Variants in CDCA3 observed in about 807,000 individuals in gnomAD.
CDCA3 encodes cell division cycle-associated protein 3.
In CDCA3, 16 loss-of-function variants were observed where a neutral mutation model predicts 29.1. The observed-to-expected ratio is 0.55, with a 90% CI of 0.37 to 0.83. The LOEUF is 0.83. Ranked by LOEUF, CDCA3 falls within the 40% of genes least tolerant of loss-of-function variation. CDCA3 has a pLI of 0.00. For missense variants in CDCA3, 291 were observed against 327.2 expected (o/e 0.89, Z 0.85); for synonymous variants, 88 against 124.5 (o/e 0.71, Z 1.95).
downstream of CDCA3, chr12:6,847,074 A>T: frequency 1.7e-6 from 1 of 584,356 alleles, no homozygotes; most frequent in Non-Finnish European, 3.1e-6. Flanking sequence ...TCAGGGACAC[A>T]GGGGCAAAGA....
At position 6,849,725 on chromosome 12, in the gene CDCA3, G is replaced by T; in HGVS notation, c.384C>A (p.Thr128=). The change falls in exon 4 of 6, where the codon ACC becomes ACA. Residue 128 remains threonine (T), a synonymous_variant. Coordinates refer to ENST00000538862, the MANE Select transcript of CDCA3 (RefSeq NM_031299.7). The surrounding 1 kb of genome is among the most constrained non-coding windows in gnomAD (Gnocchi z 5.2). ...LSSELDLPLG[T]QLSVEEQMPP... ...GCATCTGTTCCTCAACAGATAACTGGGTACCCAGAGGCAAGTCCAATTCAG... is the reference window on the plus strand; with the variant it reads ...GCATCTGTTCCTCAACAGATAACTGTGTACCCAGAGGCAAGTCCAATTCAG... 2 of 1,614,052 alleles carry T rather than the reference G, an allele frequency of 1.2e-6. No homozygotes were observed. The highest frequency in any genetic ancestry group is 1.7e-6 in the Non-Finnish European group (2 of 1,179,964).
rs200642081 is a variant in CDCA3 at position 6,849,841 on chromosome 12, C to T, written c.268G>A (p.Val90Met). Residue 90 changes from valine (V) to methionine (M), a missense_variant, in exon 4 of 6, where the codon GTG (valine) becomes ATG (methionine). Transcript: ENST00000538862. The surrounding 1 kb of genome is among the most constrained non-coding windows in gnomAD (Gnocchi z 5.2). The part of the protein sequence containing the change: ...TSSGDPPSPL[V>M]KQLSEVFETE... Reference sequence around the variant, plus strand: ...TCAAATACTTCACTCAGCTGTTTCACCAGTGGGCTTGGGGGGTCTAGAGGA... The same window carrying T: ...TCAAATACTTCACTCAGCTGTTTCATCAGTGGGCTTGGGGGGTCTAGAGGA... The T allele has an allele frequency of 2.6e-6, 4 of 1,544,854 alleles. No individual in the cohort carries two copies. The highest frequency in any genetic ancestry group is 3.5e-6 in the Non-Finnish European group (4 of 1,143,640).
At chr12:6,846,701 C>CCACA (rs111644697), downstream of CDCA3, 223,676 of 683,106 alleles carry the variant, frequency 0.33, 38,025 homozygotes, top group African/African-American at 0.48. Flanking sequence ...ACACACACAC[C>CCACA]CACACACCCA....
At chr12:6,847,105 G>T, downstream of CDCA3, 2 of 555,752 alleles carry the variant, frequency 3.6e-6, no homozygotes, top group Non-Finnish European at 6.5e-6. Context: ...CTCCTCCCAT[G>T]GCCTTCCCTC....
downstream of CDCA3, chr12:6,844,990 A>G (rs1319591395): frequency 6.6e-6 from 1 of 152,446 alleles, no homozygotes; most frequent in Non-Finnish European, 1.5e-5. Flanking sequence ...AATAGCCTCA[A>G]AAATGTCCAT....
downstream of CDCA3, chr12:6,845,813 G>A (rs1555124565): frequency 1.3e-6 from 2 of 1,591,768 alleles, no homozygotes; most frequent in East Asian, 2.2e-5. Flanking sequence ...GTAAGGGCCA[G>A]CCCTGGCTGC....
rs1943800593 is a variant in CDCA3, at chr12:6,849,992, T to A, written c.251-134A>T. 2 of 816,766 alleles carry A rather than the reference T, an allele frequency of 2.4e-6. No homozygotes were observed. Among genetic ancestry groups the A allele is most frequent in the Non-Finnish European group, 1.8e-6 (1 of 558,434 alleles). The allele number at this position is 816,766 out of a possible 1,614,324, so 50.6% of individuals were successfully genotyped here. A position where few individuals can be genotyped will look rare whatever the true frequency, so the allele number is the denominator to read the frequency against. On this transcript the variant is annotated intron_variant, in intron 3 of 5. Coordinates refer to ENST00000538862, the MANE Select transcript of CDCA3 (RefSeq NM_031299.7). The surrounding 1 kb of genome is among the most constrained non-coding windows in gnomAD (Gnocchi z 5.2). ...AAGAGAGAAATCAAGGAAATCAAGG[T>A]GAAAGGGAGCAATTTTTTTTTTTTT...
In CDCA3 at chr12:6,850,492, C is replaced by G. The variant is rs782767268; in HGVS notation, c.225G>C (p.Arg75=). 56 of 1,613,988 alleles carry G rather than the reference C, an allele frequency of 3.5e-5. No homozygotes were observed. In the East Asian group the frequency reaches 1.1e-3, roughly 31 times the overall value. ...DPRSPTLGIA[R]TPMKTSSGDP... ...CTCCACTGCTGGTCTTCATAGGTGT[C>G]CGTGCAATACCAAGAGTAGGAGAGC... The change falls in exon 3 of 6, where the codon CGG becomes CGC. Residue 75 remains arginine, a synonymous_variant. Transcript: ENST00000538862. The surrounding 1 kb of genome is among the most constrained non-coding windows in gnomAD (Gnocchi z 4.7).
chr12:6,845,451 A>C (rs879991446), downstream of CDCA3: 1 of 648,244 alleles, frequency 1.5e-6, no homozygotes. Flanking sequence ...TTCTCACCCC[A>C]AACCAAGGGA....
In CDCA3 at chr12:6,849,451, A is replaced by G; in HGVS notation, c.545-22T>C. The G allele has an allele frequency of 6.4e-7, 1 of 1,565,856 alleles. No homozygotes were observed. The highest frequency in any genetic ancestry group is 8.7e-7 in the Non-Finnish European group (1 of 1,155,076). ...GAACCTGGGGTGGGTAAGGCGTTAA[A>G]GCAAGGACCCAAAACTAGGACTTAC... is the stretch of plus-strand genomic sequence containing the variant. On this transcript the variant is annotated intron_variant, in intron 4 of 5. Coordinates refer to ENST00000538862, the MANE Select transcript of CDCA3 (RefSeq NM_031299.7). The surrounding 1 kb of genome is among the most constrained non-coding windows in gnomAD (Gnocchi z 5.2).
At chr12:6,847,450 T>C (rs1555125032), downstream of CDCA3, 1 of 155,154 alleles carries the variant, frequency 6.4e-6, no homozygotes, top group East Asian at 1.9e-4. Context: ...AGGTCCCATT[T>C]AAGGGCAGTA....
downstream of CDCA3, chr12:6,844,929 A>C (rs1555124232): frequency 6.6e-6 from 1 of 152,208 alleles, no homozygotes; most frequent in Admixed American, 6.5e-5. Flanking sequence ...AGATCAGGAA[A>C]CTCAACATTG....
intron 1 of CDCA3, 92 bp downstream of exon 1, chr12:6,851,130 G>GCGGAGTTA: frequency 7.1e-7 from 1 of 1,404,334 alleles, no homozygotes; most frequent in Non-Finnish European, 9.3e-7. Context: ...AGAGGCCTCT[G>GCGGAGTTA]CGGAGTTAAT....
In CDCA3 at chr12:6,849,144, T is replaced by A; in HGVS notation, c.706A>T (p.Ile236Phe). ...ENVSELKEGA[I>F]LGTGRLLKTG... Reference sequence around the variant, plus strand: ...TTCAGAAGTCGTCCAGTTCCAAGAATGGCTCCTTCCTTTAGTTCACTAACA... The same window carrying A: ...TTCAGAAGTCGTCCAGTTCCAAGAAAGGCTCCTTCCTTTAGTTCACTAACA... The change falls in exon 6 of 6, where the codon ATT (isoleucine) becomes TTT (phenylalanine). Residue 236 changes from isoleucine to phenylalanine, a missense_variant. Physicochemically the swap from Ile to Phe is conservative, Grantham distance 21. Coordinates refer to ENST00000538862, the MANE Select transcript of CDCA3 (RefSeq NM_031299.7). This position sits in a 1 kb window ranked among gnomAD's most constrained non-coding sequence, Gnocchi z 5.2. 6.2e-7 allele frequency: 1 copy of A among 1,612,392 alleles called. No individual in the cohort carries two copies. Among genetic ancestry groups the A allele is most frequent in the Non-Finnish European group, 8.5e-7 (1 of 1,178,350 alleles).
chr12:6,848,818 G>T, downstream of CDCA3: 1 of 546,414 alleles, frequency 1.8e-6, no homozygotes, highest in Non-Finnish European at 3.2e-6. Context: ...CTCGGTGCAA[G>T]GTTTACATAT....
At chr12:6,845,638 G>C, downstream of CDCA3, 4 of 1,613,662 alleles carry the variant, frequency 2.5e-6, no homozygotes, top group Non-Finnish European at 3.4e-6. Flanking sequence ...GCTTCCTGCC[G>C]CTTGTTTGAC....
downstream of CDCA3, chr12:6,845,226 T>C (rs940200259): frequency 2.5e-5 from 6 of 244,798 alleles, no homozygotes; most frequent in Admixed American, 5.2e-5. Context: ...GCATTTGTAC[T>C]GGACCCTGTT....
Position 6,850,003 on chromosome 12 carries a change from A to G in CDCA3, c.251-145T>C, listed in dbSNP as rs1943800955. ...CAAGGAAATCAAGGTGAAAGGGAGC[A>G]ATTTTTTTTTTTTTTGAGATGGGGC... On this transcript the variant is annotated intron_variant, in intron 3 of 5. Coordinates refer to ENST00000538862, the MANE Select transcript of CDCA3 (RefSeq NM_031299.7). This position sits in a 1 kb window ranked among gnomAD's most constrained non-coding sequence, Gnocchi z 4.7. The G allele has an allele frequency of 4.2e-6, 3 of 714,304 alleles. No homozygotes were observed. The highest frequency in any genetic ancestry group is 3.7e-5 in the African/African-American group (2 of 54,430). 44.2% of individuals were successfully genotyped at this position (714,304 alleles called of 1,614,324 possible). A position where few individuals can be genotyped will look rare whatever the true frequency, so the allele number is the denominator to read the frequency against.
downstream of CDCA3, chr12:6,848,803 G>C (rs375691603): frequency 9.4e-5 from 48 of 511,970 alleles, 1 homozygote; most frequent in Admixed American, 3.7e-4. Context: ...TCTACACACA[G>C]AAAACTCGGT....
Sources: gnomAD v4.1 joint callset for allele counts on GRCh38, gnomAD v4.1.1 for gene constraint, Gnocchi (gnomAD v3.1) non-coding constraint, MANE v1.5 for transcripts, NCBI Gene and HGNC (gene_info 2026-07-23, HGNC 2026-07-21) for gene names.